The following RBMS3 variants were observed in gnomAD, a reference collection of about 807,000 sequenced individuals.
The protein encoded by RBMS3 is RNA binding motif single stranded interacting protein 3.
A neutral mutation model predicts 66.8 loss-of-function variants in RBMS3; 27 were observed. The ratio of observed to expected loss-of-function variants is 0.40; its 90% CI spans 0.30 to 0.56. RBMS3 has a LOEUF of 0.56. Among genes scored for constraint, RBMS3 ranks in the 20% least tolerant of loss-of-function variants. RBMS3 has a pLI of 0.40. For synonymous variants in RBMS3, 188 were observed against 183.0 expected, an observed-to-expected ratio of 1.03 and a Z score of -0.22; for missense variants, 513 against 549.5, an observed-to-expected ratio of 0.93 and a Z score of 0.66.
At chr3:29,912,006 A>C (rs561087239) in intron 10 of RBMS3, among the ~76,000 whole-genome samples, 1 of 148,972 alleles carries the variant, frequency 6.7e-6, no homozygotes, top group African/African-American at 2.6e-5. Flanking sequence ...TAGATAGATA[A>C]ATAGATGATA....
At chr3:29,524,658 G>A (rs1266120) in intron 3 of RBMS3, among the ~76,000 whole-genome samples, 55,660 of 150,932 alleles carry the variant, frequency 0.37, 10,740 homozygotes, top group Middle Eastern at 0.5. Context: ...TGGCCAGGCT[G>A]GTCTTGAACT....
chr3:29,840,981 C>T (rs1374325191), intron 6 of RBMS3, among the ~76,000 whole-genome samples: 1 of 151,902 alleles, frequency 6.6e-6, no homozygotes, highest in Non-Finnish European at 1.5e-5. Context: ...ACAATACAAA[C>T]TCTTGTTTCC....
intron 4 of RBMS3, among the ~76,000 whole-genome samples, chr3:29,724,169 A>G (rs1254301553): frequency 6.6e-6 from 1 of 152,194 alleles, no homozygotes; most frequent in East Asian, 1.9e-4. Context: ...TCTCATTATC[A>G]ATTTAATATG....
At chr3:29,990,851 TAAC>T (rs2149801456) in intron 13 of RBMS3, among the ~76,000 whole-genome samples, 1 of 152,308 alleles carries the variant, frequency 6.6e-6, no homozygotes, top group East Asian at 1.9e-4. Flanking sequence ...TCTGACCACT[TAAC>T]TACTCCAACA....
chr3:29,712,853 G>A (rs908238363), intron 4 of RBMS3, among the ~76,000 whole-genome samples: 1 of 152,132 alleles, frequency 6.6e-6, no homozygotes, highest in African/African-American at 2.4e-5. Context: ...CTTTGGACTA[G>A]AAATGAAATA....
chr3:29,837,516 G>A (rs1038240073), intron 6 of RBMS3, among the ~76,000 whole-genome samples: 8 of 151,224 alleles, frequency 5.3e-5, no homozygotes, highest in African/African-American at 1.9e-4. Flanking sequence ...ATCAATATCA[G>A]AATCAGAGAT....
intron 4 of RBMS3, among the ~76,000 whole-genome samples, chr3:29,700,514 T>C (rs943655265): frequency 6.6e-6 from 1 of 152,156 alleles, no homozygotes; most frequent in Non-Finnish European, 1.5e-5. Flanking sequence ...GCTCTAGGAA[T>C]CCAAGTATAA....
At chr3:29,509,533 T>G (rs772975748) in intron 3 of RBMS3, among the ~76,000 whole-genome samples, 13 of 152,356 alleles carry the variant, frequency 8.5e-5, no homozygotes, top group Admixed American at 5.2e-4. Flanking sequence ...AATTCAGGTC[T>G]GCTTTGTTTT....
At chr3:29,373,531 A>G (rs1445536155) in intron 1 of RBMS3, among the ~76,000 whole-genome samples, 1 of 152,200 alleles carries the variant, frequency 6.6e-6, no homozygotes, top group Non-Finnish European at 1.5e-5. Flanking sequence ...TGGGAAGGAA[A>G]CCCTTGGTGT....
chr3:29,373,624 G>A (rs371809663), intron 1 of RBMS3, among the ~76,000 whole-genome samples: 86 of 152,260 alleles, frequency 5.6e-4, no homozygotes, highest in African/African-American at 2.0e-3. Flanking sequence ...GCTAGAGACT[G>A]GGAAAGAATG....
At chr3:29,877,062 A>G (rs1210586113) in intron 7 of RBMS3, among the ~76,000 whole-genome samples, 1 of 152,256 alleles carries the variant, frequency 6.6e-6, no homozygotes, top group African/African-American at 2.4e-5. Context: ...ACTCATAAAC[A>G]CCGAAACAAG....
intron 8 of RBMS3, among the ~76,000 whole-genome samples, chr3:29,886,951 T>C (rs539615163): frequency 6.6e-6 from 1 of 151,740 alleles, no homozygotes; most frequent in Admixed American, 6.6e-5. Context: ...ACATTCAGGG[T>C]TCTCCATCAA....
intron 14 of RBMS3, 41 bp downstream of exon 14, chr3:29,991,250 C>T (rs1430771530): frequency 6.2e-7 from 1 of 1,612,854 alleles, no homozygotes. Context: ...TCAAGATCAG[C>T]CATCTTGACA....
chr3:29,441,321 C>T (rs1417019127), intron 2 of RBMS3, among the ~76,000 whole-genome samples: 2 of 152,118 alleles, frequency 1.3e-5, no homozygotes, highest in African/African-American at 2.4e-5. Context: ...GTAAACTAGA[C>T]ATAGTATTTG....
intron 4 of RBMS3, among the ~76,000 whole-genome samples, chr3:29,663,310 C>A (rs1177504816): frequency 6.6e-6 from 1 of 152,184 alleles, no homozygotes; most frequent in Non-Finnish European, 1.5e-5. Context: ...TCAATAACCT[C>A]TAAAATTCCT....
chr3:29,848,587 A>ATC (rs1468294164), intron 6 of RBMS3, among the ~76,000 whole-genome samples: 1 of 152,240 alleles, frequency 6.6e-6, no homozygotes, highest in African/African-American at 2.4e-5. Context: ...TTCAGCCAAA[A>ATC]AGGGCAGGGA....
Position 29,497,973 on chromosome 3 carries a change from A to ATTTTTTTTTTTTTTTTTT in RBMS3, c.307+9494_307+9511dup, listed in dbSNP as rs779555263. On this transcript the variant is annotated intron_variant, in intron 3 of 14. Coordinates refer to ENST00000383767, the MANE Select transcript of RBMS3 (RefSeq NM_001003793.3). Reference sequence around the variant, plus strand: ...TCAGAGTTATTCTCTAAAAGTATTCATTTTTTTTTTTTTTTTTTTTTTTTT... The same window carrying ATTTTTTTTTTTTTTTTTT: ...TCAGAGTTATTCTCTAAAAGTATTCATTTTTTTTTTTTTTTTTTTTTTTTTTTTTTTTTTTTTTTTTTT... Among the ~76,000 whole-genome samples, 7 of 43,438 alleles carry ATTTTTTTTTTTTTTTTTT rather than the reference A, an allele frequency of 1.6e-4. 1 individual carries two copies. The highest frequency in any genetic ancestry group is 2.0e-4 in the Non-Finnish European group (5 of 24,406). The allele number at this position is 43,438 out of a possible 152,430, so 28.5% of individuals were successfully genotyped here.
intron 4 of RBMS3, among the ~76,000 whole-genome samples, chr3:29,682,422 G>A (rs1208982110): frequency 1.3e-5 from 2 of 152,186 alleles, no homozygotes; most frequent in African/African-American, 4.8e-5. Flanking sequence ...CAAAGTGCGG[G>A]GATGACAGGC....
chr3:29,532,248 A>G lies in RBMS3; in HGVS notation c.307+43749A>G, dbSNP rs113280285. ...TTATTTTAATTTCGCATATATATGT[A>G]TATATATATATATGTATATATATAT... On this transcript the variant is annotated intron_variant, in intron 3 of 14. Transcript: ENST00000383767. 2.9e-3 allele frequency among the ~76,000 whole-genome samples: 259 copies of G among 90,426 alleles called. 2 individuals are homozygous for G. Among genetic ancestry groups the G allele is most frequent in the African/African-American group, 9.4e-3 (177 of 18,762 alleles). The allele number at this position is 90,426 out of a possible 152,430, so 59.3% of individuals were successfully genotyped here. A position where few individuals can be genotyped will look rare whatever the true frequency, so the allele number is the denominator to read the frequency against.
Sources: allele counts gnomAD v4.1 joint callset (sites outside exome capture counted in the v4.1 genomes callset), GRCh38; gene constraint gnomAD v4.1.1; transcripts MANE v1.5; gene names NCBI Gene and HGNC (gene_info 2026-07-23, HGNC 2026-07-21).